Variants in ANKMY1 observed in about 807,000 individuals in gnomAD.
ANKMY1 encodes the protein ankyrin repeat and MYND domain containing 1, also known as ankyrin repeat and MYND domain-containing protein 1.
Under a neutral mutation model 102.0 loss-of-function variants are expected in ANKMY1, and 98 were observed. The ratio of observed to expected loss-of-function variants is 0.96; its 90% CI spans 0.82 to 1.14. The LOEUF is 1.14. Among genes scored for constraint, ANKMY1 ranks in the 50% most tolerant of loss-of-function variants. The pLI, the probability that ANKMY1 is intolerant of heterozygous loss-of-function variation, is 0.00. For missense variants in ANKMY1, 1,330 were observed against 1,347.6 expected (o/e 0.99, Z 0.20); for synonymous variants, 582 against 559.9 (o/e 1.04, Z -0.56).
chr2:240,538,409 G>C (rs1379218088), intron 4 of ANKMY1, among the ~76,000 whole-genome samples: 1 of 152,196 alleles, frequency 6.6e-6, no homozygotes, highest in Admixed American at 6.5e-5. Flanking sequence ...GGGCAGTGAG[G>C]GGCTTAGCAC....
intron 4 of ANKMY1, among the ~76,000 whole-genome samples, chr2:240,545,568 C>T (rs994329094): frequency 8.6e-5 from 13 of 152,042 alleles, no homozygotes; most frequent in African/African-American, 2.9e-4. Context: ...CTCCAAGCTA[C>T]GGGAGGAAAT....
chr2:240,524,838 C>T (rs1425786086), intron 7 of ANKMY1, among the ~76,000 whole-genome samples: 1 of 152,190 alleles, frequency 6.6e-6, no homozygotes, highest in Non-Finnish European at 1.5e-5. Flanking sequence ...TTTAATTACA[C>T]GTTTTATTTC....
rs2079329496 is a variant in ANKMY1, at chr2:240,507,635, G to A, written c.2451C>T (p.Gly817=). The A allele has an allele frequency of 1.2e-6, 2 of 1,611,990 alleles. No individual in the cohort carries two copies. Among genetic ancestry groups the A allele is most frequent in the Admixed American group, 3.3e-5 (2 of 59,804 alleles). The part of the protein sequence containing the change: ...GADPNLPLTK[G]LGSALCVACD... ...AGGCAACACACAGGGCACTGCCCAA[G>A]CCTTTGGTCAGGGGCAGGTTGGGGT... The change falls in exon 13 of 18, where the codon GGC becomes GGT. Residue 817 remains glycine, a synonymous_variant. Transcript: ENST00000401804.
chr2:240,530,243 G>T (rs1459748496), intron 4 of ANKMY1, among the ~76,000 whole-genome samples: 1 of 152,198 alleles, frequency 6.6e-6, no homozygotes, highest in Non-Finnish European at 1.5e-5. Flanking sequence ...CCCAGGGGAG[G>T]CGCATCTTCC....
chr2:240,510,476 T>C (rs373835994), intron 11 of ANKMY1, among the ~76,000 whole-genome samples: 2 of 152,034 alleles, frequency 1.3e-5, no homozygotes, highest in Non-Finnish European at 2.9e-5. Context: ...CCCAGAAGTG[T>C]TCACTAGGAC....
chr2:240,491,254 G>T (rs1320873910), intron 15 of ANKMY1, among the ~76,000 whole-genome samples: 2 of 151,980 alleles, frequency 1.3e-5, no homozygotes, highest in African/African-American at 2.4e-5. Flanking sequence ...TGAGTTTCTT[G>T]TAAGCAGAAT....
the ANKMY1 span, among the ~76,000 whole-genome samples, chr2:240,473,134 A>AC: frequency 4.6e-5 from 7 of 150,598 alleles, no homozygotes; most frequent in South Asian, 2.1e-4. Context: ...AAAAAAAAAA[A>AC]AAAAACAAAA....
intron 4 of ANKMY1, among the ~76,000 whole-genome samples, chr2:240,535,935 T>C (rs2086629221): frequency 6.7e-6 from 1 of 150,250 alleles, no homozygotes; most frequent in Admixed American, 6.7e-5. Flanking sequence ...AAAATGCATA[T>C]TCTTTTCATA....
intron 4 of ANKMY1, among the ~76,000 whole-genome samples, chr2:240,534,288 T>G (rs2086182510): frequency 6.6e-6 from 1 of 152,254 alleles, no homozygotes; most frequent in Admixed American, 6.5e-5. Context: ...CTTGTTAATA[T>G]CTACAAATTA....
intron 2 of ANKMY1, 107 bp downstream of exon 2, chr2:240,557,083 G>A: frequency 8.2e-7 from 1 of 1,216,964 alleles, no homozygotes; most frequent in Non-Finnish European, 1.1e-6. Flanking sequence ...TAGTTTCTCA[G>A]GGAGTAACAC....
rs1427044278 is a variant in ANKMY1, at chr2:240,529,371, A to G, written c.619T>C (p.Tyr207His). Residue 207 changes from tyrosine (Y) to histidine (H), a missense_variant, in exon 5 of 18, where the codon TAC (tyrosine) becomes CAC (histidine). Tyr to His is a moderately conservative substitution (Grantham distance 83, BLOSUM62 2). Transcript: ENST00000401804. The surrounding 1 kb of genome is among the most constrained non-coding windows in gnomAD (Gnocchi z 4.2). Reference protein sequence around the residue: ...QIPSGFSLLRYPEFSSFITHS... With the variant: ...QIPSGFSLLRHPEFSSFITHS... ...GTGATGAAGCTGGAGAACTCAGGGT[A>G]TCTGAGGAGGGAGAAGCCACTGGGG... 3 of 1,614,028 alleles carry G rather than the reference A, an allele frequency of 1.9e-6. No homozygotes were observed. Among genetic ancestry groups the G allele is most frequent in the African/African-American group, 2.7e-5 (2 of 74,914 alleles).
chr2:240,547,894 C>T (rs2090737623), intron 4 of ANKMY1, among the ~76,000 whole-genome samples: 1 of 151,994 alleles, frequency 6.6e-6, no homozygotes, highest in Admixed American at 6.6e-5. Context: ...CAAAAAGAGT[C>T]CAGGACCAGA....
At chr2:240,510,190 C>G (rs1195713598) in intron 11 of ANKMY1, among the ~76,000 whole-genome samples, 1 of 133,238 alleles carries the variant, frequency 7.5e-6, no homozygotes, top group Non-Finnish European at 1.6e-5. Flanking sequence ...TCCTTGCCCT[C>G]CCTGCCCTCC....
intron 16 of ANKMY1, 90 bp downstream of exon 16, chr2:240,482,093 C>T (rs981625027): frequency 7.0e-7 from 1 of 1,420,630 alleles, no homozygotes; most frequent in East Asian, 2.4e-5. Flanking sequence ...GGAGGCTGTC[C>T]CGGGATGAGG....
intron 17 of ANKMY1, among the ~76,000 whole-genome samples, chr2:240,479,909 C>G (rs1028215293): frequency 1.3e-5 from 2 of 152,120 alleles, no homozygotes; most frequent in African/African-American, 4.8e-5. Context: ...ACCGAGGGCG[C>G]CTGTTATTAA....
chr2:240,532,681 G>T (rs1442829281), intron 4 of ANKMY1, among the ~76,000 whole-genome samples: 1 of 152,170 alleles, frequency 6.6e-6, no homozygotes, highest in Non-Finnish European at 1.5e-5. Flanking sequence ...GTATACACTT[G>T]ATGAGTTTAG....
intron 4 of ANKMY1, among the ~76,000 whole-genome samples, chr2:240,547,084 A>G (rs529679273): frequency 6.6e-6 from 1 of 152,296 alleles, no homozygotes; most frequent in South Asian, 2.1e-4. Context: ...CACCACACCT[A>G]TTCCAAAATT....
At chr2:240,538,905 G>A (rs755670225) in intron 4 of ANKMY1, among the ~76,000 whole-genome samples, 2 of 152,074 alleles carry the variant, frequency 1.3e-5, no homozygotes, top group Non-Finnish European at 2.9e-5. Context: ...TAATCTGGTG[G>A]GGACTTGGAG....
intron 15 of ANKMY1, among the ~76,000 whole-genome samples, chr2:240,491,091 CTT>C (rs200434647): frequency 0.14 from 17,970 of 129,392 alleles, 1,181 homozygotes; most frequent in Non-Finnish European, 0.18. Context: ...ATGACTTTGT[CTT>C]TTTTTTTTTT....
Sources: allele counts gnomAD v4.1 joint callset (sites outside exome capture counted in the v4.1 genomes callset), GRCh38; gene constraint gnomAD v4.1.1; non-coding constraint Gnocchi (gnomAD v3.1); transcripts MANE v1.5; gene names NCBI Gene and HGNC (gene_info 2026-07-23, HGNC 2026-07-21).